WDHD1: variants seen among roughly 807,000 people sequenced by gnomAD.
WDHD1 encodes the protein WD repeat and HMG-box DNA binding protein 1.
WDHD1 carries 111 observed loss-of-function variants against 135.4 expected under a neutral mutation model. The ratio of observed to expected loss-of-function variants is 0.82; its 90% CI spans 0.70 to 0.96. The LOEUF (loss-of-function observed/expected upper bound fraction) is 0.96, where lower values mean the gene tolerates loss of function less well. Among genes scored for constraint, WDHD1 ranks in the 40% least tolerant of loss-of-function variants. WDHD1 has a pLI of 0.00. For missense variants in WDHD1, 1,351 were observed against 1,336.3 expected (o/e 1.01, Z -0.17); for synonymous variants, 434 against 439.0 (o/e 0.99, Z 0.14).
chr14:54,955,835 G>A (rs2041146338), intron 23 of WDHD1, 141 bp from the exon 24 acceptor site: 1 of 674,128 alleles, frequency 1.5e-6, no homozygotes, highest in Non-Finnish European at 2.0e-6. Flanking sequence ...GTTCTCAGTT[G>A]TAAATAAATA....
intron 21 of WDHD1, among the ~76,000 whole-genome samples, chr14:54,961,961 C>T (rs368132637): frequency 6.6e-6 from 1 of 151,988 alleles, no homozygotes; most frequent in African/African-American, 2.4e-5. Flanking sequence ...TTCAGCCTCC[C>T]GAGTAGCTGG....
chr14:54,967,309 G>T lies in WDHD1; in HGVS notation c.2149C>A (p.Gln717Lys). ...AILSFKLPYC[Q>K]IATEKGQMEE... ...ATTTGTCCTTTCTCTGTTGCAATCT[G>T]ACAGTAAGGAAGCTTAAAGGATAAT... The change falls in exon 17 of 26, where the codon CAG becomes AAG. Residue 717 changes from glutamine (Q) to lysine (K), a missense_variant. Physicochemically the swap from Gln to Lys is moderately conservative, Grantham distance 53. Around this residue, in one of 2 missense-constraint regions of WDHD1, gnomAD observed 1,330 missense variants for 1,296.1 expected, o/e 1.03. Transcript: ENST00000360586. The T allele has an allele frequency of 1.2e-6, 2 of 1,611,980 alleles. No homozygotes were observed. The highest frequency in any genetic ancestry group is 2.2e-5 in the South Asian group (2 of 90,936).
intron 11 of WDHD1, among the ~76,000 whole-genome samples, chr14:54,992,232 T>G (rs2041805000): frequency 6.6e-6 from 1 of 152,122 alleles, no homozygotes; most frequent in Admixed American, 6.5e-5. Flanking sequence ...GGCTCAGGCC[T>G]GTAATCCCAG....
At chr14:54,948,397 A>C (rs888041697) in intron 24 of WDHD1, among the ~76,000 whole-genome samples, 1 of 152,196 alleles carries the variant, frequency 6.6e-6, no homozygotes, top group Non-Finnish European at 1.5e-5. Context: ...GCACACCAGG[A>C]GATTATATCC....
At chr14:54,944,640 G>C (rs1444397801) in intron 24 of WDHD1, 170 bp from the exon 25 acceptor site, 26 of 477,962 alleles carry the variant, frequency 5.4e-5, no homozygotes, top group Non-Finnish European at 7.4e-5. Flanking sequence ...TTTTTTTTGA[G>C]ACAGAGTCTC....
At chr14:54,984,423 A>T (rs1321734360) in intron 15 of WDHD1, among the ~76,000 whole-genome samples, 2 of 152,196 alleles carry the variant, frequency 1.3e-5, no homozygotes, top group African/African-American at 4.8e-5. Flanking sequence ...TAAGCCCAGG[A>T]GGTGGAGGTT....
chr14:54,957,270 T>C (rs1173478777), intron 22 of WDHD1, 66 bp from the exon 23 acceptor site: 10 of 1,509,016 alleles, frequency 6.6e-6, no homozygotes, highest in East Asian at 2.3e-5. Flanking sequence ...AAGAGACTTA[T>C]TTTTTCTTGA....
Position 54,939,031 on chromosome 14 carries a change from A to G in WDHD1, c.*2459T>C, listed in dbSNP as rs1163228210. 6.6e-6 allele frequency: 1 copy of G among 152,198 alleles called. No homozygotes were observed. Among genetic ancestry groups the G allele is most frequent in the Non-Finnish European group, 1.5e-5 (1 of 68,046 alleles). The allele number at this position is 152,198 out of a possible 1,614,324, so 9.4% of individuals were successfully genotyped here. A position where few individuals can be genotyped will look rare whatever the true frequency, so the allele number is the denominator to read the frequency against. The stretch of plus-strand genomic sequence containing the variant: ...ATATGCATATTCCAAATGGTTCAGG[A>G]AAAATCCTGTCTATAAAGCATACAT... On this transcript the variant is annotated 3_prime_UTR_variant, in exon 26 of 26. Coordinates refer to ENST00000360586, the MANE Select transcript of WDHD1 (RefSeq NM_007086.4).
At chr14:54,973,749 A>G (rs556242882) in intron 16 of WDHD1, among the ~76,000 whole-genome samples, 1 of 152,346 alleles carries the variant, frequency 6.6e-6, no homozygotes, top group South Asian at 2.1e-4. Flanking sequence ...AATTGCCTAA[A>G]CATTTTTTTC....
At chr14:55,015,695 T>C (rs1312015265) in intron 2 of WDHD1, among the ~76,000 whole-genome samples, 1 of 151,080 alleles carries the variant, frequency 6.6e-6, no homozygotes, top group African/African-American at 2.4e-5. Flanking sequence ...TTTGTTCCAA[T>C]GGAATTTTTT....
intron 7 of WDHD1, 49 bp from the exon 8 acceptor site, chr14:55,002,234 T>A (rs1416354430): frequency 7.5e-7 from 1 of 1,341,238 alleles, no homozygotes; most frequent in Non-Finnish European, 1.0e-6. Context: ...TTAAATTGAA[T>A]TTGAAGAAGG....
intron 14 of WDHD1, 84 bp downstream of exon 14, chr14:54,987,062 A>G: frequency 6.6e-7 from 1 of 1,512,266 alleles, no homozygotes; most frequent in East Asian, 2.3e-5. Flanking sequence ...ATATAATCCA[A>G]GACAAAAAGA....
chr14:54,988,823 T>C (rs2041737087), intron 13 of WDHD1, among the ~76,000 whole-genome samples: 1 of 152,054 alleles, frequency 6.6e-6, no homozygotes, highest in Non-Finnish European at 1.5e-5. Context: ...GCTATGTAGT[T>C]AGAGCATGTA....
At chr14:54,965,067 T>C (rs1175096330) in intron 18 of WDHD1, among the ~76,000 whole-genome samples, 1 of 152,258 alleles carries the variant, frequency 6.6e-6, no homozygotes, top group Non-Finnish European at 1.5e-5. Flanking sequence ...ATTTGCTCTG[T>C]GGTCTCATAT....
intron 16 of WDHD1, among the ~76,000 whole-genome samples, chr14:54,977,713 A>G (rs2041548442): frequency 6.6e-6 from 1 of 152,190 alleles, no homozygotes; most frequent in Non-Finnish European, 1.5e-5. Context: ...TGAAAATGTC[A>G]GGAGCTACTA....
intron 25 of WDHD1, among the ~76,000 whole-genome samples, chr14:54,943,108 T>C (rs1159345974): frequency 6.6e-6 from 1 of 152,224 alleles, no homozygotes; most frequent in East Asian, 1.9e-4. Context: ...CGCCCTGCCA[T>C]TCCTGGGGAA....
intron 24 of WDHD1, among the ~76,000 whole-genome samples, chr14:54,954,310 A>C (rs560300501): frequency 3.3e-5 from 5 of 152,208 alleles, no homozygotes; most frequent in African/African-American, 1.2e-4. Flanking sequence ...AAATACAAAG[A>C]AATCCAGCAT....
In WDHD1 at chr14:55,009,767, C is replaced by T. The variant is rs144213385; in HGVS notation, c.341+542G>A. On this transcript the variant is annotated intron_variant, in intron 4 of 25. Transcript: ENST00000360586. Reference sequence around the variant, plus strand: ...TTTTTAAATTTTCCATCAAGCTATGCTTTCAGTATTATAAAATAGGCCATC... The same window carrying T: ...TTTTTAAATTTTCCATCAAGCTATGTTTTCAGTATTATAAAATAGGCCATC... Among the ~76,000 whole-genome samples, 813 of 151,860 alleles carry T rather than the reference C, an allele frequency of 5.4e-3. 10 individuals are homozygous for T. The highest frequency in any genetic ancestry group is 0.019 in the African/African-American group (768 of 41,434).
In WDHD1 at chr14:54,962,850, G is replaced by T; in HGVS notation, c.2535C>A (p.Tyr845Ter). 1 of 1,611,902 alleles carries T rather than the reference G, an allele frequency of 6.2e-7. No individual in the cohort carries two copies. Residue 845 changes from tyrosine (Y) to a stop codon, truncating the protein, a stop_gained, in exon 20 of 26, where the codon TAC (tyrosine) becomes TAA (stop). Transcript: ENST00000360586. LOFTEE classifies it high-confidence loss of function. Reference protein sequence around the residue: ...EDFRKKLNAGYSNTATEWSQP... With the variant: ...EDFRKKLNAG ...GGCTCCACTCTGTAGCAGTATTGCT[G>T]TAACTAAGAGAAAATAATATTATTC...
Sources: gnomAD v4.1 joint callset for allele counts (sites outside exome capture counted in the v4.1 genomes callset) on GRCh38, gnomAD v4.1.1 for gene constraint, gnomAD v4.1.1 regional missense constraint, MANE v1.5 for transcripts, NCBI Gene and HGNC (gene_info 2026-07-23, HGNC 2026-07-21) for gene names.